ZCCHC2: variants seen among roughly 807,000 people sequenced by gnomAD.
ZCCHC2 encodes zinc finger CCHC domain-containing protein 2.
ZCCHC2 carries 39 observed loss-of-function variants against 103.6 expected under a neutral mutation model. The observed-to-expected ratio is 0.38, with a 90% CI of 0.29 to 0.49. The LOEUF (loss-of-function observed/expected upper bound fraction) is 0.49, where lower values mean the gene tolerates loss of function less well. ZCCHC2 is among the 20% of genes least tolerant of loss of function. The pLI is 0.96. For missense variants in ZCCHC2, 1,483 were observed against 1,491.0 expected (o/e 0.99, Z 0.09); for synonymous variants, 687 against 608.9 (o/e 1.13, Z -1.89).
In ZCCHC2 at chr18:62,564,639, G is replaced by T; in HGVS notation, c.1751+4G>T. On this transcript the variant is annotated splice_donor_region_variant and intron_variant, in intron 10 of 13. Transcript: ENST00000269499. ...AAGGAAAGCCACAAACAGAAAAGTA[G>T]GTTCAATTTAAGGAAAGACAGCATA... 1 of 1,539,804 alleles carries T rather than the reference G, an allele frequency of 6.5e-7. No homozygotes were observed. The highest frequency in any genetic ancestry group is 8.8e-7 in the Non-Finnish European group (1 of 1,139,960).
intron 1 of ZCCHC2, among the ~76,000 whole-genome samples, chr18:62,527,314 A>G (rs1914474785): frequency 1.3e-5 from 2 of 152,158 alleles, no homozygotes; most frequent in Non-Finnish European, 2.9e-5. Context: ...ACATGTCTTT[A>G]ATGCCAATTT....
At chr18:62,560,813 G>A (rs1328476414) in intron 8 of ZCCHC2, among the ~76,000 whole-genome samples, 169 bp downstream of exon 8, 1 of 151,318 alleles carries the variant, frequency 6.6e-6, no homozygotes, top group Non-Finnish European at 1.5e-5. Flanking sequence ...CTCCTTTTGG[G>A]TTGTTTTTCT....
intron 6 of ZCCHC2, 79 bp from the exon 7 acceptor site, chr18:62,558,608 G>A (rs1396117840): frequency 2.3e-6 from 2 of 855,518 alleles, no homozygotes; most frequent in Non-Finnish European, 3.4e-6. Context: ...ATTTTCCTTA[G>A]GTAAAAAAAC....
chr18:62,563,829 C>A (rs1916228648), intron 9 of ZCCHC2, among the ~76,000 whole-genome samples: 2 of 152,198 alleles, frequency 1.3e-5, no homozygotes, highest in South Asian at 4.1e-4. Context: ...GACCTTTCTT[C>A]ATGAATATTT....
At position 62,524,282 on chromosome 18, in the gene ZCCHC2, G is replaced by C. The variant is rs574043561; in HGVS notation, c.858G>C (p.Arg286Ser). 1.2e-5 allele frequency: 19 copies of C among 1,549,100 alleles called. No individual in the cohort carries two copies. In the South Asian group the frequency reaches 2.0e-4, roughly 17 times the overall value. Residue 286 changes from arginine (R) to serine (S), a missense_variant, in exon 1 of 14, where the codon AGG becomes AGC. This residue lies in a region of ZCCHC2 where 568 missense variants were observed against 525.1 expected (regional missense o/e 1.08). Transcript: ENST00000269499. The part of the protein sequence containing the change: ...QRVTLREHLE[R>S]LRAALRGGPE... The stretch of plus-strand genomic sequence containing the variant: ...TCACCCTGAGGGAACACTTGGAGAG[G>C]CTCCGCGCCGCGCTCCGCGGGGGCC...
At chr18:62,584,476 C>G (rs1917121588) in exon 15 of ZCCHC2, 1 of 152,190 alleles carries the variant, frequency 6.6e-6, no homozygotes, top group South Asian at 2.1e-4. Context: ...AAAAAGGCCT[C>G]CACCAGCCTC....
chr18:62,573,381 G>A (rs115247956), intron 12 of ZCCHC2, among the ~76,000 whole-genome samples: 223 of 152,266 alleles, frequency 1.5e-3, no homozygotes, highest in African/African-American at 5.1e-3. Flanking sequence ...TGCAGGAGTA[G>A]TAGCCGATGC....
chr18:62,530,710 C>G (rs1248073293), intron 1 of ZCCHC2, among the ~76,000 whole-genome samples: 1 of 151,888 alleles, frequency 6.6e-6, no homozygotes, highest in African/African-American at 2.4e-5. Context: ...ACAGATAAAC[C>G]CAAAGGAAGG....
In ZCCHC2 at chr18:62,577,402, CTCTGTG is replaced by C. The variant is rs1267990884; in HGVS notation, c.*825_*830del. On this transcript the variant is annotated 3_prime_UTR_variant, in exon 14 of 14. Transcript: ENST00000269499. ...TGAACACACTGGTGTGAATGTCGCT[CTCTGTG>C]TGCTTGTGTTTGTAATGAAAGTCTA... The C allele has an allele frequency of 6.6e-6, 1 of 152,212 alleles. No homozygotes were observed. Among genetic ancestry groups the C allele is most frequent in the Non-Finnish European group, 1.5e-5 (1 of 68,048 alleles). 9.4% of individuals were successfully genotyped at this position (152,212 alleles called of 1,614,324 possible). A position where few individuals can be genotyped will look rare whatever the true frequency, so the allele number is the denominator to read the frequency against.
intron 3 of ZCCHC2, 75 bp from the exon 4 acceptor site, chr18:62,544,727 T>C: frequency 7.8e-7 from 1 of 1,280,978 alleles, no homozygotes; most frequent in Non-Finnish European, 1.1e-6. Flanking sequence ...GCCCTTTGTT[T>C]TTGCACATGG....
intron 5 of ZCCHC2, among the ~76,000 whole-genome samples, chr18:62,552,724 CA>C (rs1393368584): frequency 2.6e-5 from 4 of 151,550 alleles, no homozygotes; most frequent in Non-Finnish European, 4.4e-5. Context: ...CCCATCTCTA[CA>C]AAAAAAATTT....
intron 1 of ZCCHC2, chr18:62,526,947 G>C (rs560317950): frequency 6.6e-6 from 1 of 151,016 alleles, no homozygotes; most frequent in African/African-American, 2.4e-5. Flanking sequence ...CGTGGATGCT[G>C]CGCTGGGCCG....
At chr18:62,572,059 TAAATG>T (rs1457831467) in intron 12 of ZCCHC2, among the ~76,000 whole-genome samples, 12 of 152,306 alleles carry the variant, frequency 7.9e-5, no homozygotes, top group African/African-American at 9.6e-5. Flanking sequence ...TTTTGAAACT[TAAATG>T]AGAGGATTTT....
At chr18:62,526,257 C>T (rs1914390535) in intron 1 of ZCCHC2, 1 of 152,192 alleles carries the variant, frequency 6.6e-6, no homozygotes, top group South Asian at 2.1e-4. Context: ...GGGCATCCTG[C>T]CATTAACGTC....
intron 5 of ZCCHC2, among the ~76,000 whole-genome samples, chr18:62,555,630 G>A (rs1028579672): frequency 2.0e-5 from 3 of 152,100 alleles, no homozygotes; most frequent in Admixed American, 2.0e-4. Flanking sequence ...CCGACATGGT[G>A]AAACCCCGTC....
rs1944544431 is a variant in ZCCHC2 at position 62,539,675 on chromosome 18, A to G, written c.940-6A>G. 4 of 1,576,968 alleles carry G rather than the reference A, an allele frequency of 2.5e-6. 1 individual carries two copies. Among genetic ancestry groups the G allele is most frequent in the African/African-American group, 2.7e-5 (2 of 74,144 alleles). On this transcript the variant is annotated splice_polypyrimidine_tract_variant and splice_region_variant and intron_variant, in intron 1 of 13. Transcript: ENST00000269499. ...AAGTTAACGTATCTCCCTCTTTCTC[A>G]TCTAGAACAACTCTGCTCATGGTGA...
intron 3 of ZCCHC2, among the ~76,000 whole-genome samples, 198 bp from the exon 4 acceptor site, chr18:62,544,603 AC>A (rs968690888): frequency 6.6e-6 from 1 of 152,224 alleles, no homozygotes; most frequent in African/African-American, 2.4e-5. Flanking sequence ...AGTTATTAGA[AC>A]GTTTTTGAGT....
In ZCCHC2 at chr18:62,523,387, C is replaced by A; in HGVS notation, c.-38C>A. The A allele has an allele frequency of 2.0e-6, 2 of 1,014,212 alleles. No homozygotes were observed. The highest frequency in any genetic ancestry group is 4.9e-4 in the Middle Eastern group (1 of 2,060). The allele number at this position is 1,014,212 out of a possible 1,614,324, so 62.8% of individuals were successfully genotyped here. On this transcript the variant is annotated 5_prime_UTR_variant, in exon 1 of 14. Transcript: ENST00000269499. The stretch of plus-strand genomic sequence containing the variant: ...TGCTCCACCTCGCGGCCCCTCCCGC[C>A]CGCCCCCGCTCGCATGTCTGCGCCG...
At position 62,550,366 on chromosome 18, in the gene ZCCHC2, T is replaced by A. The variant is rs756567203; in HGVS notation, c.1219T>A (p.Ser407Thr). The A allele has an allele frequency of 6.2e-7, 1 of 1,613,560 alleles. No individual in the cohort carries two copies. Among genetic ancestry groups the A allele is most frequent in the Non-Finnish European group, 8.5e-7 (1 of 1,179,758 alleles). ...FLLKLPKELS[S>T]ETFDKTILRA... Reference sequence around the variant, plus strand: ...TTTCTAGCTTCCAAAGGAACTGTCTTCAGAGACTTTTGACAAGACCATCTT... The same window carrying A: ...TTTCTAGCTTCCAAAGGAACTGTCTACAGAGACTTTTGACAAGACCATCTT... The change falls in exon 5 of 14, where the codon TCA becomes ACA. Residue 407 changes from serine to threonine, a missense_variant. By Grantham distance (58) the Ser-to-Thr change is moderately conservative (BLOSUM62 1). This residue lies in a region of ZCCHC2 where 31 missense variants were observed against 58.4 expected (regional missense o/e 0.53). Coordinates refer to ENST00000269499, the MANE Select transcript of ZCCHC2 (RefSeq NM_017742.6).
Sources: gnomAD v4.1 joint callset for allele counts (sites outside exome capture counted in the v4.1 genomes callset) on GRCh38, gnomAD v4.1.1 for gene constraint, gnomAD v4.1.1 regional missense constraint, MANE v1.5 for transcripts, NCBI Gene and HGNC (gene_info 2026-07-23, HGNC 2026-07-21) for gene names.